Variants in ARMC2 observed in about 807,000 individuals in gnomAD.
ARMC2 encodes armadillo repeat-containing protein 2.
In ARMC2, 67 loss-of-function variants were observed where a neutral mutation model predicts 90.3. The observed-to-expected ratio is 0.74, with a 90% CI of 0.61 to 0.91. The LOEUF (loss-of-function observed/expected upper bound fraction) is 0.91. Among genes scored for constraint, ARMC2 ranks in the 40% least tolerant of loss-of-function variants. ARMC2 has a pLI of 0.00. For missense variants in ARMC2, 920 were observed against 1,030.9 expected, an observed-to-expected ratio of 0.89 and a Z score of 1.47; for synonymous variants, 393 against 393.0, an observed-to-expected ratio of 1.00 and a Z score of 0.00.
chr6:108,936,624 A>G (rs1446209743), intron 11 of ARMC2, among the ~76,000 whole-genome samples: 2 of 152,196 alleles, frequency 1.3e-5, no homozygotes, highest in Non-Finnish European at 2.9e-5. Context: ...ACCAGATTTC[A>G]TATAAATTTC....
chr6:109,022,635 C>T, the ARMC2 span, among the ~76,000 whole-genome samples: 2 of 151,738 alleles, frequency 1.3e-5, no homozygotes, highest in African/African-American at 4.8e-5. Context: ...AGGATGGTCT[C>T]GATCTCCTGA....
intron 5 of ARMC2, among the ~76,000 whole-genome samples, chr6:108,881,743 A>C (rs765988592): frequency 1.3e-5 from 2 of 152,092 alleles, no homozygotes; most frequent in Non-Finnish European, 2.9e-5. Context: ...ATACATTAGA[A>C]TTTAAGGAAC....
chr6:109,022,549 C>T, the ARMC2 span, among the ~76,000 whole-genome samples: 1,315 of 149,856 alleles, frequency 8.8e-3, 25 homozygotes, highest in African/African-American at 0.031. Context: ...CAGCCTCCTA[C>T]AGGTGCCCAC....
At chr6:108,997,951 A>C in the ARMC2 span, among the ~76,000 whole-genome samples, 1 of 152,220 alleles carries the variant, frequency 6.6e-6, no homozygotes, top group African/African-American at 2.4e-5. Context: ...CCAGGAACAG[A>C]AGGAATAGAG....
intron 15 of ARMC2, among the ~76,000 whole-genome samples, chr6:108,962,363 G>A (rs968198391): frequency 6.6e-6 from 1 of 152,170 alleles, no homozygotes; most frequent in African/African-American, 2.4e-5. Context: ...AATGGAAACA[G>A]TGAATCTTGA....
At chr6:108,930,273 T>C (rs200295869) in intron 11 of ARMC2, among the ~76,000 whole-genome samples, 2 of 152,186 alleles carry the variant, frequency 1.3e-5, no homozygotes, top group South Asian at 2.1e-4. Context: ...CCAAGAATCT[T>C]GATGAACATT....
the ARMC2 span, among the ~76,000 whole-genome samples, chr6:109,051,506 C>T: frequency 3.9e-5 from 6 of 152,088 alleles, no homozygotes; most frequent in African/African-American, 9.7e-5. Context: ...CCTCTTATTA[C>T]CTTTTTGCTT....
intron 17 of ARMC2, among the ~76,000 whole-genome samples, chr6:108,968,876 C>T (rs1216399752): frequency 6.6e-6 from 1 of 152,108 alleles, no homozygotes; most frequent in African/African-American, 2.4e-5. Flanking sequence ...CCCTCAACAT[C>T]GTTGGAATGT....
chr6:108,881,296 C>CCCCTCCTTCCTTCCTTCCTTCCTT (rs1777544692), intron 5 of ARMC2, among the ~76,000 whole-genome samples: 1 of 78,174 alleles, frequency 1.3e-5, no homozygotes. Context: ...CCCTCCCCTC[C>CCCCTCCTTCCTTCCTTCCTTCCTT]CCTTCCTTCC....
At chr6:108,864,710 G>A (rs1265619085) in intron 3 of ARMC2, among the ~76,000 whole-genome samples, 1 of 152,202 alleles carries the variant, frequency 6.6e-6, no homozygotes, top group Non-Finnish European at 1.5e-5. Flanking sequence ...ATAGGATCGG[G>A]GGAGACCCTG....
At chr6:108,989,326 T>C in the ARMC2 span, among the ~76,000 whole-genome samples, 1 of 152,116 alleles carries the variant, frequency 6.6e-6, no homozygotes, top group African/African-American at 2.4e-5. Context: ...AAACAGATTT[T>C]GAGTATTATC....
chr6:108,870,192 G>T (rs1010207922), intron 4 of ARMC2, among the ~76,000 whole-genome samples: 1 of 152,084 alleles, frequency 6.6e-6, no homozygotes, highest in South Asian at 2.1e-4. Flanking sequence ...AAAGATCACA[G>T]CCCCCACCTG....
the ARMC2 span, chr6:108,999,912 C>T: frequency 1.3e-5 from 2 of 152,060 alleles, no homozygotes; most frequent in Non-Finnish European, 2.9e-5. Context: ...AATGGATAAA[C>T]AAACTATGGC....
chr6:108,989,553 CTAGA>C, the ARMC2 span, among the ~76,000 whole-genome samples: 1 of 102,270 alleles, frequency 9.8e-6, no homozygotes, highest in Admixed American at 8.5e-5. Flanking sequence ...ATCTCTAGAT[CTAGA>C]TCTCTAGATC....
chr6:108,979,004 T>C (rs2128523804), downstream of ARMC2, among the ~76,000 whole-genome samples: 1 of 152,304 alleles, frequency 6.6e-6, no homozygotes, highest in South Asian at 2.1e-4. Flanking sequence ...ACATTTAAGG[T>C]TAATGTTGTT....
chr6:108,875,292 T>G (rs1195807275), intron 4 of ARMC2, among the ~76,000 whole-genome samples: 2 of 152,116 alleles, frequency 1.3e-5, no homozygotes, highest in Non-Finnish European at 2.9e-5. Context: ...TTCAATGCCC[T>G]CTCCTTTCCA....
At chr6:108,985,240 T>G in the ARMC2 span, among the ~76,000 whole-genome samples, 5 of 152,162 alleles carry the variant, frequency 3.3e-5, no homozygotes, top group Non-Finnish European at 5.9e-5. Flanking sequence ...TTCTTAGAGA[T>G]GATAAAGTTT....
chr6:108,907,033 A>G (rs1309779725), intron 8 of ARMC2, among the ~76,000 whole-genome samples: 5 of 152,218 alleles, frequency 3.3e-5, no homozygotes, highest in South Asian at 2.1e-4. Flanking sequence ...TCATAATTTT[A>G]CGGTTAACAA....
At chr6:108,889,437 C>T (rs1159210797) in intron 5 of ARMC2, among the ~76,000 whole-genome samples, 3 of 151,636 alleles carry the variant, frequency 2.0e-5, no homozygotes, top group Non-Finnish European at 4.4e-5. Flanking sequence ...TGACCCACTG[C>T]GCCCTGCCTG....
Sources: allele counts gnomAD v4.1 joint callset (sites outside exome capture counted in the v4.1 genomes callset), GRCh38; gene constraint gnomAD v4.1.1; transcripts MANE v1.5; gene names NCBI Gene and HGNC (gene_info 2026-07-23, HGNC 2026-07-21).